Variants in KCNH7 observed in about 807,000 individuals in gnomAD.
KCNH7 encodes potassium voltage-gated channel subfamily H member 7.
A neutral mutation model predicts 120.8 loss-of-function variants in KCNH7; 49 were observed. The ratio of observed to expected loss-of-function variants is 0.41; its 90% CI spans 0.32 to 0.51. KCNH7 has a LOEUF of 0.51. Ranked by LOEUF, KCNH7 falls within the 20% of genes least tolerant of loss-of-function variation. The pLI, the probability that KCNH7 is intolerant of heterozygous loss-of-function variation, is 0.38. For synonymous variants in KCNH7, 547 were observed against 516.1 expected, an observed-to-expected ratio of 1.06 and a Z score of -0.81; for missense variants, 1,097 against 1,446.6, an observed-to-expected ratio of 0.76 and a Z score of 3.92.
chr2:162,393,407 AC>A (rs1686802156), intron 12 of KCNH7, among the ~76,000 whole-genome samples: 1 of 152,114 alleles, frequency 6.6e-6, no homozygotes. Flanking sequence ...AAATGGGATC[AC>A]CCAGAGAAAG....
rs138092215 is a variant in KCNH7, at chr2:162,435,310, G to A, written c.1842C>T (p.Tyr614=). 22 of 1,613,706 alleles carry A rather than the reference G, an allele frequency of 1.4e-5. No individual in the cohort carries two copies. The African/African-American group carries it at 2.3e-4, about 17-fold the overall frequency. Residue 614 remains tyrosine (Y), a synonymous_variant, in exon 8 of 16, where the codon TAC becomes TAT. Coordinates refer to ENST00000332142, the MANE Select transcript of KCNH7 (RefSeq NM_033272.4). ...TGAAGGTAAAATAAAGTGCTGTGACGTATTTGTCTTTAATGGATGGTCCAG... is the reference window on the plus strand; with the variant it reads ...TGAAGGTAAAATAAAGTGCTGTGACATATTTGTCTTTAATGGATGGTCCAG... ...SSSGPSIKDK[Y]VTALYFTFSS...
chr2:162,706,972 T>G (rs892192133), intron 2 of KCNH7, among the ~76,000 whole-genome samples: 4 of 152,106 alleles, frequency 2.6e-5, no homozygotes, highest in African/African-American at 4.8e-5. Context: ...ATCTCCGGTT[T>G]CATGGTGTTC....
intron 2 of KCNH7, among the ~76,000 whole-genome samples, chr2:162,539,322 A>G (rs1442086198): frequency 6.6e-6 from 1 of 152,096 alleles, no homozygotes; most frequent in Non-Finnish European, 1.5e-5. Flanking sequence ...CATTTCCTGG[A>G]TCATTTAGAA....
At chr2:162,544,998 C>T (rs1449596046) in intron 2 of KCNH7, among the ~76,000 whole-genome samples, 2 of 152,178 alleles carry the variant, frequency 1.3e-5, no homozygotes. Flanking sequence ...CTACTGTTTT[C>T]TGAATGTCTT....
At chr2:162,596,813 G>T (rs1482356012) in intron 2 of KCNH7, among the ~76,000 whole-genome samples, 1 of 151,926 alleles carries the variant, frequency 6.6e-6, no homozygotes, top group Non-Finnish European at 1.5e-5. Context: ...CATCTGGTAA[G>T]GGGTTAGTAT....
At chr2:162,703,893 C>T (rs957291188) in intron 2 of KCNH7, among the ~76,000 whole-genome samples, 1 of 152,182 alleles carries the variant, frequency 6.6e-6, no homozygotes, top group Non-Finnish European at 1.5e-5. Context: ...ACAGAAGATG[C>T]TTTGATCAAG....
chr2:162,782,989 A>G (rs1463697763), intron 2 of KCNH7, among the ~76,000 whole-genome samples: 1 of 152,176 alleles, frequency 6.6e-6, no homozygotes, highest in East Asian at 1.9e-4. Flanking sequence ...GCTGTGATGG[A>G]CAGATGCAGA....
chr2:162,715,743 T>C (rs535130120), intron 2 of KCNH7, among the ~76,000 whole-genome samples: 1 of 152,308 alleles, frequency 6.6e-6, no homozygotes, highest in East Asian at 1.9e-4. Context: ...AGATAAAGGG[T>C]ACATATATGT....
chr2:162,819,976 C>CCA (rs1685049881), intron 2 of KCNH7, among the ~76,000 whole-genome samples: 1 of 151,770 alleles, frequency 6.6e-6, no homozygotes, highest in Non-Finnish European at 1.5e-5. Flanking sequence ...ATGTCCATCC[C>CCA]CACACATTAC....
At chr2:162,608,161 T>C (rs1436802567) in intron 2 of KCNH7, among the ~76,000 whole-genome samples, 5 of 152,210 alleles carry the variant, frequency 3.3e-5, no homozygotes, top group Non-Finnish European at 5.9e-5. Context: ...CTGACTCCTA[T>C]GTGTTCACCA....
At chr2:162,579,053 G>T (rs997054373) in intron 2 of KCNH7, among the ~76,000 whole-genome samples, 2 of 151,912 alleles carry the variant, frequency 1.3e-5, no homozygotes, top group Admixed American at 6.6e-5. Flanking sequence ...TTCAGGCTTA[G>T]CATGAAGAAA....
chr2:162,510,251 G>A lies in KCNH7; in HGVS notation c.913+2403C>T, dbSNP rs563717580. Among the ~76,000 whole-genome samples, 9 of 151,628 alleles carry A rather than the reference G, an allele frequency of 5.9e-5. No homozygotes were observed. In the East Asian group the frequency reaches 1.4e-3, roughly 23 times the overall value. ...CTAAGAAAATTTATTAAAGGGAAAC[G>A]AAATAGATCCTAAGAAAGAAGATTA... is the stretch of plus-strand genomic sequence containing the variant. On this transcript the variant is annotated intron_variant, in intron 5 of 15. Transcript: ENST00000332142.
chr2:162,555,404 T>G (rs1355058445), intron 2 of KCNH7, among the ~76,000 whole-genome samples: 4 of 152,212 alleles, frequency 2.6e-5, no homozygotes, highest in Admixed American at 2.6e-4. Flanking sequence ...AAGTTTCTGC[T>G]CTCTTTGACA....
chr2:162,459,331 AG>A (rs1277516820), intron 6 of KCNH7, among the ~76,000 whole-genome samples: 1 of 152,172 alleles, frequency 6.6e-6, no homozygotes, highest in African/African-American at 2.4e-5. Context: ...TGCAAATAAA[AG>A]TATAGGAAAT....
intron 4 of KCNH7, among the ~76,000 whole-genome samples, chr2:162,515,844 T>A (rs1691270414): frequency 1.3e-5 from 2 of 151,452 alleles, no homozygotes; most frequent in Admixed American, 1.3e-4. Flanking sequence ...ATTGCTCTTG[T>A]ATCTTTTTCT....
chr2:162,815,729 G>A lies in KCNH7; in HGVS notation c.307+20808C>T, dbSNP rs144547337. 5.8e-3 allele frequency among the ~76,000 whole-genome samples: 881 copies of A among 152,098 alleles called. 11 individuals are homozygous for A. The highest frequency in any genetic ancestry group is 0.02 in the African/African-American group (827 of 41,510). On this transcript the variant is annotated intron_variant, in intron 2 of 15. Coordinates refer to ENST00000332142, the MANE Select transcript of KCNH7 (RefSeq NM_033272.4). ...CACAAATCAACTTTTCTTTTAAAAC[G>A]TATTTATAAATACAACCAGTACCAC...
At chr2:162,471,661 C>T (rs1012847443) in intron 6 of KCNH7, among the ~76,000 whole-genome samples, 1 of 152,132 alleles carries the variant, frequency 6.6e-6, no homozygotes, top group Non-Finnish European at 1.5e-5. Flanking sequence ...GGCCATACTG[C>T]CCAAGGTAAT....
chr2:162,700,449 G>A (rs1197899521), intron 2 of KCNH7, among the ~76,000 whole-genome samples: 1 of 152,098 alleles, frequency 6.6e-6, no homozygotes, highest in Non-Finnish European at 1.5e-5. Context: ...TTTCCACCCT[G>A]TAAAGATCAT....
intron 2 of KCNH7, among the ~76,000 whole-genome samples, chr2:162,798,551 T>C (rs1684228378): frequency 1.3e-5 from 2 of 152,038 alleles, no homozygotes; most frequent in Admixed American, 1.3e-4. Flanking sequence ...GAATATTAGT[T>C]ACACACTCAG....
Sources: allele counts gnomAD v4.1 joint callset (sites outside exome capture counted in the v4.1 genomes callset), GRCh38; gene constraint gnomAD v4.1.1; transcripts MANE v1.5; gene names NCBI Gene and HGNC (gene_info 2026-07-23, HGNC 2026-07-21).